KIF27: variants seen among roughly 807,000 people sequenced by gnomAD.
The protein encoded by KIF27 is kinesin family member 27, also known as kinesin-like protein KIF27.
In KIF27, 84 loss-of-function variants were observed where a neutral mutation model predicts 141.8. The observed-to-expected ratio is 0.59, with a 90% confidence interval of 0.50 to 0.71. The LOEUF (loss-of-function observed/expected upper bound fraction) is 0.71. Among genes scored for constraint, KIF27 ranks in the 30% least tolerant of loss-of-function variants. The pLI is 0.00. For synonymous variants in KIF27, 471 were observed against 569.5 expected, an observed-to-expected ratio of 0.83 and a Z score of 2.46; for missense variants, 1,306 against 1,628.4, an observed-to-expected ratio of 0.80 and a Z score of 3.41.
intron 14 of KIF27, among the ~76,000 whole-genome samples, chr9:83,854,238 A>T (rs897247617): frequency 6.6e-6 from 1 of 152,212 alleles, no homozygotes; most frequent in Admixed American, 6.5e-5. Context: ...CATAACCCCT[A>T]AAGTGCATAT....
chr9:83,918,748 C>A (rs1360822498), intron 1 of KIF27, among the ~76,000 whole-genome samples: 1 of 152,090 alleles, frequency 6.6e-6, no homozygotes, highest in African/African-American at 2.4e-5. Context: ...CAAGACCAGC[C>A]TGGACAACAT....
intron 14 of KIF27, 196 bp downstream of exon 14, chr9:83,858,960 T>C (rs1201590187): frequency 1.7e-6 from 1 of 596,572 alleles, no homozygotes; most frequent in Non-Finnish European, 3.0e-6. Context: ...CATGGACCAC[T>C]ATGTAAGGAT....
chr9:83,860,749 C>G (rs1458523979), intron 13 of KIF27, among the ~76,000 whole-genome samples: 1 of 152,178 alleles, frequency 6.6e-6, no homozygotes, highest in Non-Finnish European at 1.5e-5. Flanking sequence ...CCTGGGTCTT[C>G]CCTTTGGTAT....
In KIF27 at chr9:83,887,030, G is replaced by C; in HGVS notation, c.2239+11C>G. 6.4e-7 allele frequency: 1 copy of C among 1,555,738 alleles called. No homozygotes were observed. The highest frequency in any genetic ancestry group is 2.3e-5 in the East Asian group (1 of 42,840). Reference sequence around the variant, plus strand: ...CTTTCTCATTTAAGCTGGTTCACAAGATACTATTACCTGTTTTTATTAATT... The same window carrying C: ...CTTTCTCATTTAAGCTGGTTCACAACATACTATTACCTGTTTTTATTAATT... On this transcript the variant is annotated intron_variant, in intron 9 of 17. Transcript: ENST00000297814.
chr9:83,889,767 T>G (rs1563961003), intron 6 of KIF27, among the ~76,000 whole-genome samples: 1 of 152,116 alleles, frequency 6.6e-6, no homozygotes, highest in Non-Finnish European at 1.5e-5. Flanking sequence ...TACTTATTCT[T>G]TATACATGGT....
chr9:83,916,698 C>G (rs1053752210), intron 1 of KIF27, among the ~76,000 whole-genome samples: 1 of 140,310 alleles, frequency 7.1e-6, no homozygotes, highest in Non-Finnish European at 1.5e-5. Flanking sequence ...GAGTCTCGCT[C>G]TGTCGCTCAG....
intron 5 of KIF27, among the ~76,000 whole-genome samples, chr9:83,899,442 A>T (rs1407309865): frequency 6.6e-6 from 1 of 152,240 alleles, no homozygotes. Context: ...CCTGGGTATT[A>T]TCTTTATATT....
intron 1 of KIF27, among the ~76,000 whole-genome samples, chr9:83,920,356 T>A (rs1956131213): frequency 6.6e-6 from 1 of 152,222 alleles, no homozygotes. Flanking sequence ...ATCAGAAACA[T>A]ACGTATTATG....
chr9:83,857,831 A>G (rs1352343827), intron 14 of KIF27, among the ~76,000 whole-genome samples: 1 of 152,176 alleles, frequency 6.6e-6, no homozygotes, highest in Non-Finnish European at 1.5e-5. Context: ...TTGAATAAAT[A>G]ATGTAAGAGG....
rs1259449931 is a variant in KIF27 at position 83,915,828 on chromosome 9, TA to T, written c.-87-151del. The T allele has an allele frequency of 2.1e-4, 98 of 460,104 alleles. No individual in the cohort carries two copies. The East Asian group carries it at 3.4e-3, about 16-fold the overall frequency. 28.5% of individuals were successfully genotyped at this position (460,104 alleles called of 1,614,324 possible). On this transcript the variant is annotated intron_variant, in intron 1 of 17. Transcript: ENST00000297814. ...TAAGCCTGTCTTGTAAAATACATCG[TA>T]AATTTGTAGACAAACTAGTATGTCT...
Position 83,903,380 on chromosome 9 carries a change from T to A in KIF27, c.1138A>T (p.Thr380Ser), listed in dbSNP as rs1318666012. 3.7e-6 allele frequency: 6 copies of A among 1,614,108 alleles called. No homozygotes were observed. The South Asian group carries it at 5.5e-5, about 15-fold the overall frequency. ...LQSQQAGVSQ[T>S]TQINREGSPD... ...CTCCCTTCTCGATTGATCTGGGTAG[T>A]TTGGCTGACACCAGCCTGCTGGCTT... Residue 380 changes from threonine (T) to serine (S), a missense_variant, in exon 4 of 18, where the codon ACT (threonine) becomes TCT (serine). This residue lies in a region of KIF27 where 533 missense variants were observed against 565.6 expected (regional missense o/e 0.94). Coordinates refer to ENST00000297814, the MANE Select transcript of KIF27 (RefSeq NM_017576.4).
intron 11 of KIF27, among the ~76,000 whole-genome samples, chr9:83,873,078 C>G (rs1199519919): frequency 6.6e-6 from 1 of 152,170 alleles, no homozygotes; most frequent in Non-Finnish European, 1.5e-5. Flanking sequence ...GCAAGCTAGA[C>G]AGAATGCCTA....
chr9:83,835,721 A>C lies in KIF27; in HGVS notation c.*1280T>G, dbSNP rs966737248. The C allele has an allele frequency of 6.6e-6, 1 of 152,196 alleles. No individual in the cohort carries two copies. Among genetic ancestry groups the C allele is most frequent in the African/African-American group, 2.4e-5 (1 of 41,448 alleles). The allele number at this position is 152,196 out of a possible 1,614,324, so 9.4% of individuals were successfully genotyped here. A position where few individuals can be genotyped will look rare whatever the true frequency, so the allele number is the denominator to read the frequency against. On this transcript the variant is annotated 3_prime_UTR_variant, in exon 18 of 18. Transcript: ENST00000297814. ...AAAGGAAAAGGTCTGTAGCAGCACTACATCAGAAAAAAATGGATTCAGCAA... is the reference window on the plus strand; with the variant it reads ...AAAGGAAAAGGTCTGTAGCAGCACTCCATCAGAAAAAAATGGATTCAGCAA...
At chr9:83,874,352 T>C (rs1300457544) in intron 11 of KIF27, among the ~76,000 whole-genome samples, 1 of 152,196 alleles carries the variant, frequency 6.6e-6, no homozygotes, top group Non-Finnish European at 1.5e-5. Context: ...AGCCTATCCA[T>C]GGACCTCAGT....
At chr9:83,899,230 A>T (rs571033899) in intron 5 of KIF27, among the ~76,000 whole-genome samples, 1 of 152,344 alleles carries the variant, frequency 6.6e-6, no homozygotes, top group East Asian at 1.9e-4. Context: ...TAGGAAAGCT[A>T]AGATAGAAAA....
chr9:83,896,839 T>C (rs1488909212), intron 5 of KIF27, among the ~76,000 whole-genome samples: 1 of 152,210 alleles, frequency 6.6e-6, no homozygotes, highest in East Asian at 1.9e-4. Context: ...TACTGTATGA[T>C]TCCAGTTGTA....
Position 83,919,844 on chromosome 9 carries a change from C to T in KIF27, c.-88+1527G>A, listed in dbSNP as rs11140294. Among the ~76,000 whole-genome samples the T allele has an allele frequency of 8.0e-3, 1,211 of 152,174 alleles. 31 individuals carry two copies. Among genetic ancestry groups the T allele is most frequent in the East Asian group, 0.037 (190 of 5,184 alleles). ...AACAAAACAAAACAAATGTGAGCCA[C>T]GATGCCCAGCCTCATTTCTTGGGGT... On this transcript the variant is annotated intron_variant, in intron 1 of 17. Transcript: ENST00000297814.
chr9:83,890,390 C>T (rs554392804), intron 6 of KIF27, among the ~76,000 whole-genome samples: 7 of 152,216 alleles, frequency 4.6e-5, no homozygotes, highest in Middle Eastern at 6.8e-3. Context: ...ACAAATACAA[C>T]GTACTAGACA....
chr9:83,906,684 AGTGAGCT>A (rs1185151048), intron 3 of KIF27, among the ~76,000 whole-genome samples: 1 of 148,096 alleles, frequency 6.8e-6, no homozygotes, highest in African/African-American at 2.5e-5. Context: ...TTTAGGCTGC[AGTGAGCT>A]GTGATTATGC....
Sources: gnomAD v4.1 joint callset for allele counts (sites outside exome capture counted in the v4.1 genomes callset) on GRCh38, gnomAD v4.1.1 for gene constraint, gnomAD v4.1.1 regional missense constraint, MANE v1.5 for transcripts, NCBI Gene and HGNC (gene_info 2026-07-23, HGNC 2026-07-21) for gene names.